Variants in PKD1 observed in about 807,000 individuals in gnomAD.
The protein encoded by PKD1 is polycystin-1.
In PKD1, 81 loss-of-function variants were observed where a neutral mutation model predicts 361.7. That is an observed-to-expected ratio of 0.22 (90% confidence interval 0.19 to 0.27). The LOEUF (loss-of-function observed/expected upper bound fraction) is 0.27, where lower values mean the gene tolerates loss of function less well. Among genes scored for constraint, PKD1 ranks in the 10% least tolerant of loss-of-function variants. PKD1 has a pLI of 1.00. For missense variants in PKD1, 6,399 were observed against 6,118.3 expected (o/e 1.05, Z -1.53); for synonymous variants, 3,615 against 2,818.3 (o/e 1.28, Z -8.95).
rs780133373 is a variant in PKD1, at chr16:2,110,099, C to T, written c.5068G>A (p.Ala1690Thr). Residue 1690 changes from alanine (A) to threonine (T), a missense_variant, in exon 15 of 46, where the codon GCC (alanine) becomes ACC (threonine). Physicochemically the swap from Ala to Thr is moderately conservative, Grantham distance 58 (BLOSUM62 0). Coordinates refer to ENST00000262304, the MANE Select transcript of PKD1 (RefSeq NM_001009944.3). ...CGCAGCTGCACATGGTAGGTGCCGG[C>T]CTCGAGCACGGTGAGCGAGAAGCCT... ...GKGFSLTVLEAGTYHVQLRAT... is the reference protein window; with the variant it reads ...GKGFSLTVLETGTYHVQLRAT... The T allele has an allele frequency of 2.8e-5, 45 of 1,609,600 alleles. No homozygotes were observed. The Admixed American group carries it at 5.2e-4, about 19-fold the overall frequency.
chr16:2,105,290 C>G (rs769980546), intron 21 of PKD1, 32 bp downstream of exon 21: 29 of 1,590,326 alleles, frequency 1.8e-5, no homozygotes, highest in Middle Eastern at 2.3e-4. Flanking sequence ...GGCAGGCATG[C>G]GGGGCAGGGT....
At position 2,092,956 on chromosome 16, in the gene PKD1, C is replaced by A. The variant is rs745776470; in HGVS notation, c.11154G>T (p.Thr3718=). Residue 3718 remains threonine, a splice_region_variant and synonymous_variant, in exon 38 of 46, where the codon ACG becomes ACT. Transcript: ENST00000262304. ...ACCAGTGCACCGGATGCCCGTACCG[C>A]GTGATGGCCAGGAAGGCCCGGCTGT... ...ELHSRAFLAI[T]RSEELWPWMA... 1 of 1,612,892 alleles carries A rather than the reference C, an allele frequency of 6.2e-7. No individual in the cohort carries two copies. Among genetic ancestry groups the A allele is most frequent in the Non-Finnish European group, 8.5e-7 (1 of 1,180,018 alleles).
intron 37 of PKD1, 109 bp from the exon 38 acceptor site, chr16:2,093,202 G>C: frequency 7.4e-7 from 1 of 1,354,888 alleles, no homozygotes; most frequent in Non-Finnish European, 1.0e-6. Context: ...GCAGGAAGGT[G>C]AGCTGGCAGG....
In PKD1 at chr16:2,100,109, G is replaced by A. The variant is rs756545580; in HGVS notation, c.9713-38C>T. 6 of 1,604,616 alleles carry A rather than the reference G, an allele frequency of 3.7e-6. No individual in the cohort carries two copies. Among genetic ancestry groups the A allele is most frequent in the Non-Finnish European group, 5.1e-6 (6 of 1,175,878 alleles). ...GAGGGCCGCACTGCAGGAGGCCACG[G>A]GGCAGGACCACCCTGCCCAACCTCC... On this transcript the variant is annotated intron_variant, in intron 28 of 45. Transcript: ENST00000262304. The surrounding 1 kb of genome is among the most constrained non-coding windows in gnomAD (Gnocchi z 4.4).
rs748264731 is a variant in PKD1 at position 2,111,384 on chromosome 16, C to T, written c.3783G>A (p.Glu1261=). ...AGTTCTGTGCCCGCAGGTACACATG[C>T]TCCACTGTTGCCTCCGGGCCCGACA... The part of the protein sequence containing the change: ...TVLSGPEATV[E]HVYLRAQNCT... The change falls in exon 15 of 46, where the codon GAG becomes GAA. Residue 1261 remains glutamate (E), a synonymous_variant. Transcript: ENST00000262304. 6.8e-6 allele frequency: 11 copies of T among 1,611,458 alleles called. No homozygotes were observed. In the East Asian group the frequency reaches 1.8e-4, roughly 26 times the overall value.
rs2091913659 is a variant in PKD1, at chr16:2,097,967, G to A, written c.10068C>T (p.Ser3356=). The A allele has an allele frequency of 1.3e-6, 2 of 1,589,272 alleles. No individual in the cohort carries two copies. Among genetic ancestry groups the A allele is most frequent in the Non-Finnish European group, 1.7e-6 (2 of 1,162,920 alleles). The change falls in exon 31 of 46, where the codon AGC becomes AGT. Residue 3356 remains serine (S), a synonymous_variant. Transcript: ENST00000262304. ...MSRSKVAGSP[S]PTPAGQQVLD... is the part of the protein sequence containing the mutation. ...GCACCTGCTGCCCGGCAGGTGTGGG[G>A]CTCGGGCTCCCAGCCACCTGCAGGA...
chr16:2,091,827 G>A lies in PKD1; in HGVS notation c.11491C>T (p.Arg3831Cys). 2 of 1,610,230 alleles carry A rather than the reference G, an allele frequency of 1.2e-6. No homozygotes were observed. The highest frequency in any genetic ancestry group is 1.7e-4 in the Middle Eastern group (1 of 6,046). The stretch of plus-strand genomic sequence containing the variant: ...AGCTGCAGGAAGCGCAGCCGGTCGC[G>A]GCTCTCCTCCAGGCTCAGGCCCAGC... ...QELGLSLEESRDRLRFLQLHN... is the reference protein window; with the variant it reads ...QELGLSLEESCDRLRFLQLHN... The change falls in exon 41 of 46, where the codon CGC becomes TGC. Residue 3831 changes from arginine (R) to cysteine (C), a missense_variant. Transcript: ENST00000262304.
chr16:2,091,468 C>A lies in PKD1; in HGVS notation c.11667G>T (p.Ala3889=), dbSNP rs1360389675. The A allele has an allele frequency of 2.3e-6, 3 of 1,320,916 alleles. No homozygotes were observed. Among genetic ancestry groups the A allele is most frequent in the Non-Finnish European group, 2.9e-6 (3 of 1,039,318 alleles). 81.8% of individuals were successfully genotyped at this position (1,320,916 alleles called of 1,614,324 possible). The stretch of plus-strand genomic sequence containing the variant: ...AGAGGCCCGCGCTGAGGCGGCGCAG[C>A]GCAAAGGGGCGGACGCTGAGGGCGG... ...ALAALSVRPF[A]LRRLSAGLSL... Residue 3889 remains alanine (A), a synonymous_variant, in exon 42 of 46, where the codon GCG becomes GCT. Coordinates refer to ENST00000262304, the MANE Select transcript of PKD1 (RefSeq NM_001009944.3).
intron 9 of PKD1, 44 bp from the exon 10 acceptor site, chr16:2,115,669 C>G (rs750017704): frequency 9.0e-5 from 143 of 1,580,524 alleles, no homozygotes; most frequent in Non-Finnish European, 1.0e-4. Flanking sequence ...TGCCCACAGG[C>G]CACCGTCAGA....
Position 2,100,430 on chromosome 16 carries a change from G to A in PKD1, c.9534C>T (p.Ser3178=), listed in dbSNP as rs374200345. The change falls in exon 27 of 46, where the codon AGC becomes AGT. Residue 3178 remains serine (S), a synonymous_variant. Coordinates refer to ENST00000262304, the MANE Select transcript of PKD1 (RefSeq NM_001009944.3). The surrounding 1 kb of genome is among the most constrained non-coding windows in gnomAD (Gnocchi z 4.4). The stretch of plus-strand genomic sequence containing the variant: ...CGTGCCACACTCGGATCTTCCACAC[G>A]CTACCCAGGCTGTGCGGGGTGGCGA... ...FRIATPHSLG[S]VWKIRVWHDN... The A allele has an allele frequency of 1.9e-5, 31 of 1,610,994 alleles. No homozygotes were observed. The highest frequency in any genetic ancestry group is 4.5e-5 in the East Asian group (2 of 44,888).
chr16:2,118,199 G>C lies in PKD1; in HGVS notation c.793C>G (p.Leu265Val). Residue 265 changes from leucine (L) to valine (V), a missense_variant, in exon 5 of 46, where the codon CTC becomes GTC. Leu to Val is a conservative substitution (Grantham distance 32). Transcript: ENST00000262304. The surrounding 1 kb of genome is among the most constrained non-coding windows in gnomAD (Gnocchi z 6.0). ...GGGGAGGCAGGGAAGACGTGCTGGA[G>C]GAGGGTGGGGCCCCTACAGGTGGGG... ...PAPTCRGPTLLQHVFPASPGA... is the reference protein window; with the variant it reads ...PAPTCRGPTLVQHVFPASPGA... 1.3e-6 allele frequency: 2 copies of C among 1,543,160 alleles called. No homozygotes were observed. Among genetic ancestry groups the C allele is most frequent in the Non-Finnish European group, 8.7e-7 (1 of 1,147,512 alleles).
intron 1 of PKD1, among the ~76,000 whole-genome samples, chr16:2,131,379 C>T (rs1312317621): frequency 3.3e-5 from 5 of 151,878 alleles, no homozygotes; most frequent in South Asian, 2.1e-4. Context: ...GGCATGGTGG[C>T]GGGCACCAGT....
rs755858661 is a variant in PKD1, at chr16:2,111,264, G to T, written c.3903C>A (p.Pro1301=). Residue 1301 remains proline (P), a synonymous_variant, in exon 15 of 46, where the codon CCC becomes CCA. Transcript: ENST00000262304. The part of the protein sequence containing the change: ...VFVLEVLRVE[P]AACIPTQPDA... ...CAGGCTGCGTGGGGATGCAGGCGGC[G>T]GGTTCAACGCGCAGCACCTCCAGGA... 1.2e-6 allele frequency: 2 copies of T among 1,609,940 alleles called. No individual in the cohort carries two copies. The highest frequency in any genetic ancestry group is 2.2e-5 in the East Asian group (1 of 44,858).
chr16:2,110,357 C>G lies in PKD1; in HGVS notation c.4810G>C (p.Val1604Leu), dbSNP rs191685707. ...GTGACGATGATATTGAAGGTGCCCA[C>G]GGAGCGGAAGGTGTAAGAGATGGTA... ...GPTISYTFRS[V>L]GTFNIIVTAE... The change falls in exon 15 of 46, where the codon GTG becomes CTG. Residue 1604 changes from valine to leucine, a missense_variant. Transcript: ENST00000262304. 2.5e-6 allele frequency: 4 copies of G among 1,612,622 alleles called. No individual in the cohort carries two copies. The highest frequency in any genetic ancestry group is 3.4e-6 in the Non-Finnish European group (4 of 1,179,850).
In PKD1 at chr16:2,101,993, C is replaced by G. The variant is rs2092116163; in HGVS notation, c.9397+68G>C. 6 of 1,012,746 alleles carry G rather than the reference C, an allele frequency of 5.9e-6. No individual in the cohort carries two copies. In the African/African-American group the frequency reaches 8.2e-5, roughly 14 times the overall value. 62.7% of individuals were successfully genotyped at this position (1,012,746 alleles called of 1,614,324 possible). A position where few individuals can be genotyped will look rare whatever the true frequency, so the allele number is the denominator to read the frequency against. On this transcript the variant is annotated intron_variant, in intron 26 of 45. Coordinates refer to ENST00000262304, the MANE Select transcript of PKD1 (RefSeq NM_001009944.3). ...TCTGACGCCTGCGACGAGACTCACT[C>G]CCAGAGGGTGCAACCAGCACAGCCA... is the stretch of plus-strand genomic sequence containing the variant.
chr16:2,125,093 C>T (rs1243948509), intron 1 of PKD1, among the ~76,000 whole-genome samples: 1 of 152,264 alleles, frequency 6.6e-6, no homozygotes, highest in Non-Finnish European at 1.5e-5. Flanking sequence ...GCCATGACCT[C>T]ATCTGTTTCC....
At chr16:2,129,432 A>C (rs1439059624) in intron 1 of PKD1, among the ~76,000 whole-genome samples, 3 of 151,548 alleles carry the variant, frequency 2.0e-5, no homozygotes, top group Non-Finnish European at 4.4e-5. Context: ...CCGGCTGGAC[A>C]GTGGTTTTGA....
At chr16:2,120,004 G>A (rs2092695317) in intron 1 of PKD1, 1 of 595,092 alleles carries the variant, frequency 1.7e-6, no homozygotes, top group Non-Finnish European at 3.0e-6. Flanking sequence ...CTGGGCCCAG[G>A]ATTTTGAAAC....
chr16:2,091,748 C>A, intron 41 of PKD1, 33 bp downstream of exon 41: 2 of 1,607,150 alleles, frequency 1.2e-6, no homozygotes, highest in Non-Finnish European at 1.7e-6. Context: ...TGACTGCGGC[C>A]ACCCCGGAGA....
Sources: gnomAD v4.1 joint callset for allele counts (sites outside exome capture counted in the v4.1 genomes callset) on GRCh38, gnomAD v4.1.1 for gene constraint, Gnocchi (gnomAD v3.1) non-coding constraint, MANE v1.5 for transcripts, NCBI Gene and HGNC (gene_info 2026-07-23, HGNC 2026-07-21) for gene names.